Variants in ROBO2 observed in about 807,000 individuals in gnomAD.
The protein encoded by ROBO2 is roundabout homolog 2.
In ROBO2, 53 loss-of-function variants were observed where a neutral mutation model predicts 160.8. The observed-to-expected ratio is 0.33, with a 90% CI of 0.26 to 0.41. The LOEUF (loss-of-function observed/expected upper bound fraction) is 0.41, where lower values mean the gene tolerates loss of function less well. Ranked by LOEUF, ROBO2 falls within the 10% of genes least tolerant of loss-of-function variation. The probability of loss-of-function intolerance (pLI) is 1.00; values close to 1 mark genes in which losing one functional copy is unlikely to be tolerated. For missense variants in ROBO2, 1,577 were observed against 1,722.4 expected, an observed-to-expected ratio of 0.92 and a Z score of 1.49; for synonymous variants, 664 against 611.7, an observed-to-expected ratio of 1.09 and a Z score of -1.26.
chr3:76,133,401 A>AAT, intron 2 of ROBO2, among the ~76,000 whole-genome samples: 2 of 152,150 alleles, frequency 1.3e-5, no homozygotes, highest in South Asian at 4.1e-4. Context: ...ATTAGTCTCT[A>AAT]GAGACTAATA....
At position 76,884,043 on chromosome 3, in the gene ROBO2, T is replaced by G. The variant is rs1318464458; in HGVS notation, c.110-213971T>G. On this transcript the variant is annotated intron_variant, in intron 2 of 26. Transcript: ENST00000487694. The stretch of plus-strand genomic sequence containing the variant: ...CCTCTGTATGAGTGCACTAGGGGGT[T>G]TAATCATCTCTTCTTGCTTAGAATA... 8.5e-5 allele frequency among the ~76,000 whole-genome samples: 13 copies of G among 152,304 alleles called. No homozygotes were observed. In the East Asian group the frequency reaches 1.9e-3, roughly 23 times the overall value.
intron 13 of ROBO2, among the ~76,000 whole-genome samples, chr3:77,570,075 A>G (rs569450264): frequency 6.6e-6 from 1 of 152,070 alleles, no homozygotes; most frequent in Non-Finnish European, 1.5e-5. Context: ...TTGAGTAGAT[A>G]CAAAACTAAC....
intron 5 of ROBO2, among the ~76,000 whole-genome samples, chr3:77,504,779 G>C (rs978327072): frequency 2.6e-5 from 4 of 152,156 alleles, no homozygotes; most frequent in Non-Finnish European, 5.9e-5. Context: ...GATTTTAGTA[G>C]GTAGTGTGAG....
chr3:77,070,818 T>C lies in ROBO2; in HGVS notation c.62-27196T>C, dbSNP rs561455306. On this transcript the variant is annotated intron_variant, in intron 1 of 25. Coordinates refer to ENST00000461745, the Ensembl canonical transcript of ROBO2. ...CAAAGAGGTATCTCGGGCTATTGCG[T>C]AGAGGATGGACTGTGATGGGGAAAG... 1.7e-3 allele frequency among the ~76,000 whole-genome samples: 263 copies of C among 152,186 alleles called. 1 individual carries two copies. Among genetic ancestry groups the C allele is most frequent in the African/African-American group, 6.1e-3 (253 of 41,512 alleles).
intron 2 of ROBO2, among the ~76,000 whole-genome samples, chr3:76,805,983 G>A (rs2064674931): frequency 6.6e-6 from 1 of 151,722 alleles, no homozygotes; most frequent in Admixed American, 6.6e-5. Flanking sequence ...TCCTCTAGCT[G>A]TCTGTGTTCT....
chr3:76,205,147 C>T (rs182114856), intron 2 of ROBO2, among the ~76,000 whole-genome samples: 2 of 152,156 alleles, frequency 1.3e-5, no homozygotes, highest in African/African-American at 4.8e-5. Flanking sequence ...CGTATTTTTT[C>T]CTCTAGAAAA....
chr3:76,029,443 G>A (rs1386574921), intron 2 of ROBO2, among the ~76,000 whole-genome samples: 1 of 151,962 alleles, frequency 6.6e-6, no homozygotes, highest in Non-Finnish European at 1.5e-5. Flanking sequence ...GTATACATGT[G>A]CCATGTTGGT....
chr3:77,367,120 T>C (rs1399010556), intron 2 of ROBO2, among the ~76,000 whole-genome samples: 2 of 152,160 alleles, frequency 1.3e-5, no homozygotes, highest in Non-Finnish European at 2.9e-5. Flanking sequence ...TGTGTCATAA[T>C]CCTGCTGCTA....
intron 2 of ROBO2, among the ~76,000 whole-genome samples, chr3:76,376,658 C>T (rs561431364): frequency 6.6e-6 from 1 of 152,042 alleles, no homozygotes; most frequent in Non-Finnish European, 1.5e-5. Context: ...TTTTGCCAGG[C>T]TGGCCAGCAA....
At chr3:76,332,269 A>G (rs1239442320) in intron 2 of ROBO2, among the ~76,000 whole-genome samples, 1 of 152,190 alleles carries the variant, frequency 6.6e-6, no homozygotes, top group Non-Finnish European at 1.5e-5. Context: ...ATAATATTGT[A>G]TAACACCAAT....
At chr3:76,168,560 T>G (rs1471094196) in intron 2 of ROBO2, among the ~76,000 whole-genome samples, 1 of 152,294 alleles carries the variant, frequency 6.6e-6, no homozygotes, top group East Asian at 1.9e-4. Flanking sequence ...CAACTTTGTT[T>G]ATTCCATTTA....
intron 2 of ROBO2, among the ~76,000 whole-genome samples, chr3:76,921,028 T>C (rs1456793366): frequency 6.6e-6 from 1 of 152,130 alleles, no homozygotes; most frequent in Non-Finnish European, 1.5e-5. Flanking sequence ...AGCCAGAGAA[T>C]GGAGGGTGGG....
At chr3:77,165,129 G>T (rs2078949045) in intron 2 of ROBO2, among the ~76,000 whole-genome samples, 1 of 151,788 alleles carries the variant, frequency 6.6e-6, no homozygotes. Context: ...AGGGGGGAAA[G>T]GCGGGGAAAA....
chr3:76,903,490 A>G (rs2148887509), intron 2 of ROBO2, among the ~76,000 whole-genome samples: 1 of 152,206 alleles, frequency 6.6e-6, no homozygotes, highest in Non-Finnish European at 1.5e-5. Flanking sequence ...AAACTCAGGT[A>G]TGGTTTTTGG....
intron 2 of ROBO2, among the ~76,000 whole-genome samples, chr3:77,450,571 T>C (rs2081013877): frequency 6.6e-6 from 1 of 152,128 alleles, no homozygotes; most frequent in African/African-American, 2.4e-5. Context: ...GTATATTTAA[T>C]AAATTTCTAT....
intron 2 of ROBO2, among the ~76,000 whole-genome samples, chr3:76,304,539 T>C (rs181917028): frequency 4.6e-5 from 7 of 152,322 alleles, no homozygotes; most frequent in Admixed American, 4.6e-4. Context: ...TAAAATTTTA[T>C]TCTGATGGCT....
intron 2 of ROBO2, among the ~76,000 whole-genome samples, chr3:77,399,517 G>A (rs530403960): frequency 1.3e-4 from 20 of 152,246 alleles, no homozygotes; most frequent in Admixed American, 1.1e-3. Context: ...ATTTCAAATT[G>A]TGTGTTTTAA....
At position 76,869,887 on chromosome 3, in the gene ROBO2, G is replaced by A. The variant is rs1015309225; in HGVS notation, c.110-228127G>A. 6.6e-5 allele frequency among the ~76,000 whole-genome samples: 10 copies of A among 152,158 alleles called. No homozygotes were observed. In the East Asian group the frequency reaches 1.9e-3, roughly 29 times the overall value. On this transcript the variant is annotated intron_variant, in intron 2 of 26. Transcript: ENST00000487694. ...GTTTGACTGGTTCTAGTTTAGAGGG[G>A]CCCTTTAACAATTCTCATCCTCCCA...
chr3:76,035,661 G>T (rs2067082458), intron 2 of ROBO2, among the ~76,000 whole-genome samples: 1 of 151,992 alleles, frequency 6.6e-6, no homozygotes, highest in African/African-American at 2.4e-5. Context: ...ATTATATAAA[G>T]GAATGTTGAA....
Sources: gnomAD v4.1 joint callset for allele counts (sites outside exome capture counted in the v4.1 genomes callset) on GRCh38, gnomAD v4.1.1 for gene constraint, MANE v1.5 for transcripts, NCBI Gene and HGNC (gene_info 2026-07-23, HGNC 2026-07-21) for gene names.